Variants in SPOCK1 observed in about 807,000 individuals in gnomAD.
SPOCK1 encodes SPARC (osteonectin), cwcv and kazal like domains proteoglycan 1.
In SPOCK1, 23 loss-of-function variants were observed where a neutral mutation model predicts 55.3. The ratio of observed to expected loss-of-function variants is 0.42; its 90% CI spans 0.30 to 0.59. The LOEUF (loss-of-function observed/expected upper bound fraction) is 0.59, where lower values mean the gene tolerates loss of function less well. Among genes scored for constraint, SPOCK1 ranks in the 20% least tolerant of loss-of-function variants. The probability of loss-of-function intolerance (pLI) is 0.22; values close to 1 mark genes in which losing one functional copy is unlikely to be tolerated. For synonymous variants in SPOCK1, 226 were observed against 221.0 expected (o/e 1.02, Z -0.20); for missense variants, 499 against 552.5 (o/e 0.90, Z 0.97).
intron 3 of SPOCK1, among the ~76,000 whole-genome samples, chr5:137,209,548 A>G (rs1191966899): frequency 6.6e-6 from 1 of 152,222 alleles, no homozygotes; most frequent in Non-Finnish European, 1.5e-5. Flanking sequence ...AAGAACCTCG[A>G]GAGTGGCTTC....
chr5:137,228,090 C>T (rs1331561504), intron 3 of SPOCK1, among the ~76,000 whole-genome samples: 7 of 152,254 alleles, frequency 4.6e-5, no homozygotes, highest in African/African-American at 1.7e-4. Context: ...ACAGGGCTTT[C>T]TGACCAATGC....
chr5:136,999,060 C>G (rs1346266997), intron 6 of SPOCK1, among the ~76,000 whole-genome samples: 2 of 152,198 alleles, frequency 1.3e-5, no homozygotes, highest in African/African-American at 2.4e-5. Flanking sequence ...CCCCTCCACC[C>G]AAGGCATGGA....
At chr5:137,468,604 A>G (rs1561543749) in intron 2 of SPOCK1, among the ~76,000 whole-genome samples, 2 of 151,996 alleles carry the variant, frequency 1.3e-5, no homozygotes, top group Non-Finnish European at 2.9e-5. Context: ...ATGCTGTGAA[A>G]CCCCCAAGTA....
intron 2 of SPOCK1, among the ~76,000 whole-genome samples, chr5:137,279,803 C>T (rs1011407844): frequency 6.6e-6 from 1 of 152,224 alleles, no homozygotes; most frequent in African/African-American, 2.4e-5. Flanking sequence ...CAAGCTCACA[C>T]CCTGGCCCTT....
intron 3 of SPOCK1, among the ~76,000 whole-genome samples, chr5:137,251,793 C>T (rs1232881468): frequency 6.6e-6 from 1 of 152,248 alleles, no homozygotes; most frequent in Non-Finnish European, 1.5e-5. Context: ...CCTCATACCC[C>T]TCTCAGCCCA....
intron 5 of SPOCK1, among the ~76,000 whole-genome samples, chr5:137,075,200 G>T (rs543345337): frequency 6.6e-6 from 1 of 152,142 alleles, no homozygotes; most frequent in Non-Finnish European, 1.5e-5. Flanking sequence ...TCTGTACATT[G>T]AATAATTATT....
chr5:137,028,671 A>T (rs1052490217), intron 6 of SPOCK1, among the ~76,000 whole-genome samples: 1 of 152,112 alleles, frequency 6.6e-6, no homozygotes, highest in African/African-American at 2.4e-5. Context: ...TGGAAATGAG[A>T]CTGCCTCAGA....
At chr5:137,336,693 C>T (rs758181576) in intron 2 of SPOCK1, among the ~76,000 whole-genome samples, 4 of 150,406 alleles carry the variant, frequency 2.7e-5, no homozygotes, top group Non-Finnish European at 6.0e-5. Flanking sequence ...CTGATTACTG[C>T]TCCTTCTAGC....
At chr5:137,166,610 A>G (rs1162340794) in intron 3 of SPOCK1, among the ~76,000 whole-genome samples, 1 of 152,132 alleles carries the variant, frequency 6.6e-6, no homozygotes, top group African/African-American at 2.4e-5. Context: ...AATAACTACA[A>G]CAACTTTTCA....
intron 2 of SPOCK1, among the ~76,000 whole-genome samples, chr5:137,283,712 C>T (rs972608954): frequency 6.6e-6 from 1 of 151,268 alleles, no homozygotes; most frequent in Non-Finnish European, 1.5e-5. Flanking sequence ...AAAACCCTAT[C>T]TCAAAAACAA....
At chr5:137,199,413 G>A (rs1463062089) in intron 3 of SPOCK1, among the ~76,000 whole-genome samples, 4 of 152,092 alleles carry the variant, frequency 2.6e-5, no homozygotes, top group African/African-American at 9.7e-5. Flanking sequence ...TTAGAAAAGA[G>A]CCTCCTGGGT....
chr5:137,082,151 C>T (rs550234074), intron 5 of SPOCK1, among the ~76,000 whole-genome samples: 1 of 152,320 alleles, frequency 6.6e-6, no homozygotes, highest in East Asian at 1.9e-4. Context: ...GCAGACCCCA[C>T]TCTCCTTTTC....
intron 3 of SPOCK1, among the ~76,000 whole-genome samples, chr5:137,262,876 A>G (rs890355044): frequency 7.9e-5 from 12 of 152,212 alleles, no homozygotes; most frequent in Admixed American, 5.2e-4. Context: ...GAATGAAAAC[A>G]ATCAATGACT....
At chr5:137,237,998 G>A (rs910563967) in intron 3 of SPOCK1, among the ~76,000 whole-genome samples, 12 of 152,164 alleles carry the variant, frequency 7.9e-5, no homozygotes, top group Non-Finnish European at 1.3e-4. Context: ...TATGGACACC[G>A]GGATGAAGGA....
chr5:137,112,713 C>T, intron 4 of SPOCK1, 152 bp from the exon 5 acceptor site: 2 of 922,644 alleles, frequency 2.2e-6, no homozygotes, highest in Non-Finnish European at 3.1e-6. Context: ...TCCATTTGCT[C>T]CAACTCATTG....
intron 2 of SPOCK1, among the ~76,000 whole-genome samples, chr5:137,327,722 T>C (rs997296912): frequency 7.2e-5 from 11 of 151,942 alleles, no homozygotes; most frequent in Non-Finnish European, 1.6e-4. Flanking sequence ...ATCTGCAAGG[T>C]AGAAAATAAT....
intron 4 of SPOCK1, among the ~76,000 whole-genome samples, chr5:137,115,181 G>A (rs1228520215): frequency 6.6e-6 from 1 of 152,146 alleles, no homozygotes; most frequent in African/African-American, 2.4e-5. Flanking sequence ...GGGTGGCGGG[G>A]TCGGTGGGGG....
At chr5:137,401,281 G>A (rs983172740) in intron 2 of SPOCK1, among the ~76,000 whole-genome samples, 1 of 152,142 alleles carries the variant, frequency 6.6e-6, no homozygotes, top group Admixed American at 6.5e-5. Context: ...TCTTGTGGGG[G>A]GCAGGGGGAA....
chr5:137,171,209 G>A (rs940435934), intron 3 of SPOCK1, among the ~76,000 whole-genome samples: 6 of 152,000 alleles, frequency 3.9e-5, no homozygotes, highest in Admixed American at 2.0e-4. Context: ...CATCACGCTC[G>A]CCTCTGAACT....
Sources: allele counts gnomAD v4.1 joint callset (sites outside exome capture counted in the v4.1 genomes callset), GRCh38; gene constraint gnomAD v4.1.1; transcripts MANE v1.5; gene names NCBI Gene and HGNC (gene_info 2026-07-23, HGNC 2026-07-21).